The following TAMM41 variants were observed in gnomAD, a reference collection of about 807,000 sequenced individuals.
The protein encoded by TAMM41 is TAM41 mitochondrial translocator assembly and maintenance homolog, also known as phosphatidate cytidylyltransferase, mitochondrial.
Under a neutral mutation model 44.1 loss-of-function variants are expected in TAMM41, and 36 were observed. The ratio of observed to expected loss-of-function variants is 0.82; its 90% CI spans 0.63 to 1.08. TAMM41 has a LOEUF of 1.08. Ranked by LOEUF, TAMM41 falls within the 50% of genes least tolerant of loss-of-function variation. The pLI, the probability that TAMM41 is intolerant of heterozygous loss-of-function variation, is 0.00. For synonymous variants in TAMM41, 164 were observed against 153.1 expected, an observed-to-expected ratio of 1.07 and a Z score of -0.53; for missense variants, 417 against 404.3, an observed-to-expected ratio of 1.03 and a Z score of -0.27.
At position 11,809,489 on chromosome 3, in the gene TAMM41, T is replaced by G. The variant is rs1274636881; in HGVS notation, c.874+28A>C. On this transcript the variant is annotated intron_variant, in intron 6 of 7. Transcript: ENST00000455809. The stretch of plus-strand genomic sequence containing the variant: ...GTCTGCTTTTCCCCATGGCTGGCAT[T>G]TCCTCAACATCAAATTCATAAACGT... The G allele has an allele frequency of 1.9e-6, 3 of 1,610,842 alleles. No homozygotes were observed. The African/African-American group carries it at 4.0e-5, about 22-fold the overall frequency.
At chr3:11,786,120 A>G (rs1178313238), downstream of TAMM41, among the ~76,000 whole-genome samples, 1 of 151,954 alleles carries the variant, frequency 6.6e-6, no homozygotes, top group Non-Finnish European at 1.5e-5. Flanking sequence ...GTGGGCTTGT[A>G]GGTTCCAATA....
At chr3:11,787,877 G>A (rs959608460), downstream of TAMM41, among the ~76,000 whole-genome samples, 4 of 152,166 alleles carry the variant, frequency 2.6e-5, no homozygotes, top group African/African-American at 7.2e-5. Flanking sequence ...ACTTACTCCC[G>A]AAGAGTTCCA....
intron 7 of TAMM41, among the ~76,000 whole-genome samples, chr3:11,801,013 C>T (rs1460897863): frequency 1.3e-5 from 2 of 151,260 alleles, no homozygotes; most frequent in East Asian, 3.9e-4. Flanking sequence ...GACTGCTTAA[C>T]CTTAGGAGGT....
chr3:11,722,237 C>A, the TAMM41 span, among the ~76,000 whole-genome samples: 1 of 152,058 alleles, frequency 6.6e-6, no homozygotes, highest in Non-Finnish European at 1.5e-5. Context: ...AGTCTTCGAC[C>A]TTTGCAAGGA....
intron 7 of TAMM41, among the ~76,000 whole-genome samples, chr3:11,800,547 T>TA (rs60989120): frequency 2.5e-3 from 357 of 145,458 alleles, no homozygotes; most frequent in Non-Finnish European, 4.6e-3. Flanking sequence ...CAAAAACAGT[T>TA]AAAAAAAAAA....
intron 5 of TAMM41, among the ~76,000 whole-genome samples, chr3:11,816,233 T>A: frequency 6.6e-6 from 1 of 151,274 alleles, no homozygotes; most frequent in Non-Finnish European, 1.5e-5. Flanking sequence ...AAAAAAAACC[T>A]TTGGCCCGGC....
chr3:11,731,672 G>A, the TAMM41 span, among the ~76,000 whole-genome samples: 4 of 152,124 alleles, frequency 2.6e-5, no homozygotes, highest in Non-Finnish European at 5.9e-5. Context: ...TTATTTCCAG[G>A]GTGGGAGAGA....
chr3:11,733,983 A>G, the TAMM41 span, among the ~76,000 whole-genome samples: 2 of 152,068 alleles, frequency 1.3e-5, no homozygotes, highest in Non-Finnish European at 2.9e-5. Context: ...GAGAAAGAGC[A>G]TGGAGAAGGC....
At chr3:11,797,739 T>C (rs1447215950) in intron 7 of TAMM41, among the ~76,000 whole-genome samples, 1 of 152,080 alleles carries the variant, frequency 6.6e-6, no homozygotes, top group Non-Finnish European at 1.5e-5. Flanking sequence ...TTTTGCAAAC[T>C]AGGCATCTGA....
At chr3:11,780,728 T>G in the TAMM41 span, among the ~76,000 whole-genome samples, 1 of 152,216 alleles carries the variant, frequency 6.6e-6, no homozygotes, top group Non-Finnish European at 1.5e-5. Context: ...ACCCTATAGT[T>G]ACCCCTGTAA....
At chr3:11,747,829 CAGATG>C in the TAMM41 span, among the ~76,000 whole-genome samples, 3 of 151,526 alleles carry the variant, frequency 2.0e-5, no homozygotes, top group Non-Finnish European at 4.4e-5. Context: ...TAGTGGGACG[CAGATG>C]AGAAGTGTCT....
At chr3:11,807,093 A>G in intron 7 of TAMM41, 2 of 878,696 alleles carry the variant, frequency 2.3e-6, no homozygotes, top group Non-Finnish European at 2.7e-6. Flanking sequence ...GTGCTTCACC[A>G]AAATGAGAGT....
chr3:11,772,752 A>G, the TAMM41 span, among the ~76,000 whole-genome samples: 1 of 152,134 alleles, frequency 6.6e-6, no homozygotes, highest in African/African-American at 2.4e-5. Context: ...AATGTTTTTC[A>G]TAGAGTTGTC....
intron 3 of TAMM41, among the ~76,000 whole-genome samples, chr3:11,836,230 A>G (rs2079170221): frequency 6.6e-6 from 1 of 152,070 alleles, no homozygotes; most frequent in Admixed American, 6.6e-5. Context: ...GCCTCAAGTG[A>G]TCTGTCTGCC....
intron 7 of TAMM41, among the ~76,000 whole-genome samples, chr3:11,792,824 G>A (rs974860675): frequency 6.6e-6 from 1 of 152,140 alleles, no homozygotes; most frequent in Non-Finnish European, 1.5e-5. Context: ...CACTTAGGGA[G>A]GCCGAGGCGG....
At chr3:11,831,920 G>A (rs1053273152) in intron 3 of TAMM41, among the ~76,000 whole-genome samples, 2 of 152,060 alleles carry the variant, frequency 1.3e-5, no homozygotes, top group South Asian at 4.1e-4. Flanking sequence ...CCTTAATTAA[G>A]CCTTTCAGCA....
intron 3 of TAMM41, chr3:11,832,908 C>T: frequency 2.3e-6 from 2 of 863,846 alleles, no homozygotes; most frequent in African/African-American, 1.8e-5. Flanking sequence ...AACAAAATAC[C>T]ACTTGTTCTC....
chr3:11,790,512 G>A lies in TAMM41; in HGVS notation c.1007C>T (p.Thr336Ile). The A allele has an allele frequency of 6.2e-7, 1 of 1,613,844 alleles. No homozygotes were observed. The highest frequency in any genetic ancestry group is 8.5e-7 in the Non-Finnish European group (1 of 1,179,796). Residue 336 changes from threonine (T) to isoleucine (I), a missense_variant, in exon 8 of 8, where the codon ACA (threonine) becomes ATA (isoleucine). Coordinates refer to ENST00000455809, the MANE Select transcript of TAMM41 (RefSeq NM_001284401.2). Reference sequence around the variant, plus strand: ...ATATAAAAGCAAGCAAAATCAGGATGTTTTCCTCAGCCACCCTTTCCACAT... The same window carrying A: ...ATATAAAAGCAAGCAAAATCAGGATATTTTCCTCAGCCACCCTTTCCACAT... ...HKMWKGWLRK[T>I]S
At chr3:11,830,679 T>G (rs923695034) in intron 3 of TAMM41, 1 of 152,012 alleles carries the variant, frequency 6.6e-6, no homozygotes, top group Non-Finnish European at 1.5e-5. Flanking sequence ...GGCAACATAG[T>G]GAGACCCCAT....
Sources: gnomAD v4.1 joint callset for allele counts (sites outside exome capture counted in the v4.1 genomes callset) on GRCh38, gnomAD v4.1.1 for gene constraint, MANE v1.5 for transcripts, NCBI Gene and HGNC (gene_info 2026-07-23, HGNC 2026-07-21) for gene names.